MPPED2: variants seen among roughly 807,000 people sequenced by gnomAD.
MPPED2 encodes metallophosphoesterase MPPED2.
In MPPED2, 5 loss-of-function variants were observed where a neutral mutation model predicts 33.0. The ratio of observed to expected loss-of-function variants is 0.15; its 90% CI spans 0.08 to 0.32. MPPED2 has a LOEUF of 0.32. MPPED2 is among the 10% of genes least tolerant of loss of function. MPPED2 has a pLI of 1.00. For synonymous variants in MPPED2, 136 were observed against 141.9 expected (o/e 0.96, Z 0.29); for missense variants, 275 against 372.1 (o/e 0.74, Z 2.15).
chr11:30,512,502 G>A (rs1953272209), intron 3 of MPPED2, among the ~76,000 whole-genome samples: 1 of 152,010 alleles, frequency 6.6e-6, no homozygotes, highest in Non-Finnish European at 1.5e-5. Context: ...ACTGAAATTA[G>A]GTCTGCTCTT....
At chr11:30,451,855 CT>C in intron 4 of MPPED2, 1 of 985,120 alleles carries the variant, frequency 1.0e-6, no homozygotes, top group South Asian at 4.7e-5. Context: ...AGCTGGAGAT[CT>C]GGAGACAGCA....
intron 1 of MPPED2, among the ~76,000 whole-genome samples, chr11:30,581,162 G>A (rs542270241): frequency 2.2e-4 from 34 of 152,084 alleles, no homozygotes; most frequent in African/African-American, 6.7e-4. Context: ...CAGTCACTCA[G>A]GGGAAAACCA....
chr11:30,579,205 T>A (rs1957058891), intron 2 of MPPED2, among the ~76,000 whole-genome samples: 1 of 151,712 alleles, frequency 6.6e-6, no homozygotes, highest in Non-Finnish European at 1.5e-5. Context: ...GGTGTGTGTA[T>A]TTGGGGTGTC....
Position 30,527,920 on chromosome 11 carries a change from C to A in MPPED2, c.310+8074G>T, listed in dbSNP as rs4922836. 4.4e-4 allele frequency among the ~76,000 whole-genome samples: 67 copies of A among 152,200 alleles called. No individual in the cohort carries two copies. The South Asian group carries it at 0.013, about 29-fold the overall frequency. On this transcript the variant is annotated intron_variant, in intron 3 of 6. Transcript: ENST00000358117. Reference sequence around the variant, plus strand: ...CACAGCAGCAAATAACATTTCCTGACCATTCACTACTTGTACACATTGGGT... The same window carrying A: ...CACAGCAGCAAATAACATTTCCTGAACATTCACTACTTGTACACATTGGGT...
intron 4 of MPPED2, among the ~76,000 whole-genome samples, chr11:30,450,569 C>T (rs988820279): frequency 6.6e-6 from 1 of 152,160 alleles, no homozygotes; most frequent in African/African-American, 2.4e-5. Context: ...CAATAGCTGA[C>T]TCTGGTTCCA....
intron 4 of MPPED2, among the ~76,000 whole-genome samples, chr11:30,459,081 A>G (rs981135496): frequency 6.6e-6 from 1 of 150,490 alleles, no homozygotes; most frequent in African/African-American, 2.4e-5. Flanking sequence ...GCCCGCCACT[A>G]CGCCCGGCTA....
At chr11:30,579,828 G>GAA (rs10589055) in intron 2 of MPPED2, among the ~76,000 whole-genome samples, 23 of 145,326 alleles carry the variant, frequency 1.6e-4, no homozygotes, top group African/African-American at 5.0e-4. Context: ...TGAGGTGTGG[G>GAA]AAAAAAAAAA....
chr11:30,387,651 G>A (rs1947719252), exon 7 of MPPED2: 1 of 152,164 alleles, frequency 6.6e-6, no homozygotes, highest in Non-Finnish European at 1.5e-5. Flanking sequence ...GAAATATGTG[G>A]GAGCTTGGTA....
intron 4 of MPPED2, among the ~76,000 whole-genome samples, chr11:30,481,035 A>T (rs1389045643): frequency 6.6e-6 from 1 of 152,138 alleles, no homozygotes; most frequent in Non-Finnish European, 1.5e-5. Context: ...TGGAAAGGAA[A>T]AAGTGAGGAA....
intron 3 of MPPED2, among the ~76,000 whole-genome samples, chr11:30,508,892 T>C (rs1233510408): frequency 1.3e-5 from 2 of 152,194 alleles, no homozygotes; most frequent in Non-Finnish European, 2.9e-5. Flanking sequence ...CACATGACTA[T>C]GGACCTCAGG....
chr11:30,500,268 C>A (rs1217245669), intron 3 of MPPED2, among the ~76,000 whole-genome samples: 3 of 152,140 alleles, frequency 2.0e-5, no homozygotes, highest in East Asian at 3.9e-4. Flanking sequence ...GTGGCACTCT[C>A]CAAGTTCTCC....
At chr11:30,503,605 A>G (rs1180473035) in intron 3 of MPPED2, among the ~76,000 whole-genome samples, 1 of 152,210 alleles carries the variant, frequency 6.6e-6, no homozygotes, top group Admixed American at 6.5e-5. Flanking sequence ...AGCATTCAGC[A>G]GTAGTTCTTT....
intron 2 of MPPED2, among the ~76,000 whole-genome samples, chr11:30,548,261 T>C (rs1955532341): frequency 6.6e-6 from 1 of 152,044 alleles, no homozygotes; most frequent in Admixed American, 6.6e-5. Flanking sequence ...TCTCCCAGCC[T>C]GGAGTGTAAA....
intron 4 of MPPED2, among the ~76,000 whole-genome samples, chr11:30,434,537 T>TA (rs1414917375): frequency 2.0e-5 from 3 of 152,354 alleles, no homozygotes; most frequent in East Asian, 3.8e-4. Flanking sequence ...TATTGAGAAT[T>TA]TTCTAATTTA....
chr11:30,516,945 C>A (rs1458729), intron 3 of MPPED2, among the ~76,000 whole-genome samples: 26,582 of 152,126 alleles, frequency 0.17, 2,909 homozygotes, highest in Non-Finnish European at 0.24. Context: ...TGGAAAGAGA[C>A]CCTGTATGGA....
In MPPED2 at chr11:30,411,287, A is replaced by C; in HGVS notation, c.*181T>G. 8.0e-7 allele frequency: 1 copy of C among 1,248,318 alleles called. No individual in the cohort carries two copies. The highest frequency in any genetic ancestry group is 1.0e-6 in the Non-Finnish European group (1 of 990,100). The allele number at this position is 1,248,318 out of a possible 1,614,324, so 77.3% of individuals were successfully genotyped here. ...AATTCACAATGTTCCTCTGATTTCA[A>C]ATGGATGCCCCATTTAAAATAAAAT... On this transcript the variant is annotated 3_prime_UTR_variant, in exon 7 of 7. Transcript: ENST00000358117.
intron 3 of MPPED2, among the ~76,000 whole-genome samples, chr11:30,525,858 T>C (rs1157055148): frequency 6.6e-6 from 1 of 152,176 alleles, no homozygotes; most frequent in African/African-American, 2.4e-5. Flanking sequence ...AGAAAATGGC[T>C]GCCCATAACA....
At chr11:30,449,226 T>A (rs1383367737) in intron 4 of MPPED2, among the ~76,000 whole-genome samples, 1 of 152,172 alleles carries the variant, frequency 6.6e-6, no homozygotes, top group Non-Finnish European at 1.5e-5. Flanking sequence ...AGCTAAAAAT[T>A]ACATTAATCA....
intron 4 of MPPED2, among the ~76,000 whole-genome samples, chr11:30,494,757 A>AAAAGAAAG (rs1554982031): frequency 5.1e-4 from 62 of 120,848 alleles, no homozygotes; most frequent in Middle Eastern, 4.2e-3. Context: ...AAAAAAAAAA[A>AAAAGAAAG]AAAGAAAGAA....
Sources: gnomAD v4.1 joint callset for allele counts (sites outside exome capture counted in the v4.1 genomes callset) on GRCh38, gnomAD v4.1.1 for gene constraint, MANE v1.5 for transcripts, NCBI Gene and HGNC (gene_info 2026-07-23, HGNC 2026-07-21) for gene names.